KCNG3: variants seen among roughly 807,000 people sequenced by gnomAD.
KCNG3 encodes potassium voltage-gated channel modifier subfamily G member 3.
KCNG3 carries 15 observed loss-of-function variants against 29.0 expected under a neutral mutation model. The observed-to-expected ratio is 0.52, with a 90% CI of 0.35 to 0.80. The LOEUF (loss-of-function observed/expected upper bound fraction) is 0.80. Among genes scored for constraint, KCNG3 ranks in the 30% least tolerant of loss-of-function variants. KCNG3 has a pLI of 0.01. For synonymous variants in KCNG3, 322 were observed against 248.9 expected, an observed-to-expected ratio of 1.29 and a Z score of -2.76; for missense variants, 512 against 605.7, an observed-to-expected ratio of 0.85 and a Z score of 1.62.
At chr2:42,430,545 G>A in the KCNG3 span, among the ~76,000 whole-genome samples, 1 of 151,876 alleles carries the variant, frequency 6.6e-6, no homozygotes, top group South Asian at 2.1e-4. Flanking sequence ...GGCCCGGGAG[G>A]TTTGAGACCA....
chr2:42,447,676 G>C (rs1326623206), intron 1 of KCNG3, among the ~76,000 whole-genome samples: 1 of 151,736 alleles, frequency 6.6e-6, no homozygotes. Context: ...CACCACACTT[G>C]GTTAATTTTT....
the KCNG3 span, chr2:42,413,559 C>T: frequency 6.6e-6 from 1 of 152,100 alleles, no homozygotes; most frequent in Non-Finnish European, 1.5e-5. Flanking sequence ...ATATCACTTA[C>T]ATTTTAAACC....
chr2:42,432,238 T>TCAA, the KCNG3 span, among the ~76,000 whole-genome samples: 4 of 152,152 alleles, frequency 2.6e-5, no homozygotes, highest in Non-Finnish European at 4.4e-5. Context: ...GGATTAAAAT[T>TCAA]CAACAACAAC....
chr2:42,400,416 T>C, the KCNG3 span, among the ~76,000 whole-genome samples: 29 of 152,260 alleles, frequency 1.9e-4, no homozygotes, highest in East Asian at 5.2e-3. Flanking sequence ...GACTTTTCTA[T>C]CCCATTTGCC....
the KCNG3 span, among the ~76,000 whole-genome samples, chr2:42,396,073 T>C: frequency 2.0e-5 from 3 of 152,236 alleles, no homozygotes; most frequent in Admixed American, 1.3e-4. Flanking sequence ...AACCATCTTA[T>C]ACAAAGCCTA....
At chr2:42,484,184 G>A (rs567910248) in intron 1 of KCNG3, among the ~76,000 whole-genome samples, 2 of 152,264 alleles carry the variant, frequency 1.3e-5, no homozygotes, top group South Asian at 2.1e-4. Flanking sequence ...AAATCTGACC[G>A]GGTGCTGTGG....
At chr2:42,431,228 G>A in the KCNG3 span, among the ~76,000 whole-genome samples, 1 of 152,064 alleles carries the variant, frequency 6.6e-6, no homozygotes, top group African/African-American at 2.4e-5. Context: ...TGGGGATCCT[G>A]CTATTCCTAA....
intron 1 of KCNG3, among the ~76,000 whole-genome samples, chr2:42,489,250 C>T (rs557361686): frequency 1.3e-5 from 2 of 152,088 alleles, no homozygotes; most frequent in South Asian, 2.1e-4. Flanking sequence ...ATTCACTGGG[C>T]GTGGTAGCTC....
chr2:42,470,673 GA>G (rs1242090524), intron 1 of KCNG3, among the ~76,000 whole-genome samples: 1 of 152,058 alleles, frequency 6.6e-6, no homozygotes, highest in Non-Finnish European at 1.5e-5. Context: ...CCAGGAGTTT[GA>G]AACTGGCCTG....
chr2:42,470,063 C>A, intron 1 of KCNG3: 1 of 504,926 alleles, frequency 2.0e-6, no homozygotes. Flanking sequence ...TCCTGATCTC[C>A]CTGAAGATCT....
chr2:42,411,596 C>T, the KCNG3 span, among the ~76,000 whole-genome samples: 6 of 152,150 alleles, frequency 3.9e-5, no homozygotes, highest in Non-Finnish European at 7.3e-5. Context: ...AATTCTCATG[C>T]CTCAGCCTCC....
intron 1 of KCNG3, among the ~76,000 whole-genome samples, chr2:42,478,293 T>C (rs1025777670): frequency 6.6e-6 from 1 of 152,182 alleles, no homozygotes; most frequent in South Asian, 2.1e-4. Context: ...TGGAGTGCAA[T>C]GGCACCTTCA....
At chr2:42,479,331 A>C (rs1168953818) in intron 1 of KCNG3, among the ~76,000 whole-genome samples, 1 of 152,180 alleles carries the variant, frequency 6.6e-6, no homozygotes. Context: ...GGTGGAGCTC[A>C]AGCATGAATA....
chr2:42,415,259 G>A, the KCNG3 span, among the ~76,000 whole-genome samples: 1 of 152,090 alleles, frequency 6.6e-6, no homozygotes, highest in East Asian at 1.9e-4. Context: ...TTATAGTGAG[G>A]TCTCATATGT....
intron 1 of KCNG3, among the ~76,000 whole-genome samples, chr2:42,461,854 C>G (rs541729709): frequency 6.6e-6 from 1 of 152,246 alleles, no homozygotes; most frequent in African/African-American, 2.4e-5. Flanking sequence ...ACAAGATCAC[C>G]TTACAAAAAG....
intron 1 of KCNG3, among the ~76,000 whole-genome samples, chr2:42,445,941 G>T (rs1672586603): frequency 6.6e-6 from 1 of 151,930 alleles, no homozygotes; most frequent in Non-Finnish European, 1.5e-5. Flanking sequence ...TGGCCAGGCT[G>T]GTCTCGAACT....
At chr2:42,421,035 A>AC in the KCNG3 span, among the ~76,000 whole-genome samples, 3 of 152,370 alleles carry the variant, frequency 2.0e-5, no homozygotes, top group Admixed American at 2.0e-4. Flanking sequence ...AAACGCTACC[A>AC]CACAAAAATG....
At chr2:42,437,882 G>A (rs1237450633), downstream of KCNG3, among the ~76,000 whole-genome samples, 1 of 144,400 alleles carries the variant, frequency 6.9e-6, no homozygotes, top group African/African-American at 2.6e-5. Flanking sequence ...AGATTGTAGT[G>A]AGCTGAGATT....
chr2:42,468,887 G>C lies in KCNG3; in HGVS notation c.665+23950C>G, dbSNP rs942856052. 1.3e-5 allele frequency among the ~76,000 whole-genome samples: 2 copies of C among 148,592 alleles called. 1 individual carries two copies. The highest frequency in any genetic ancestry group is 4.2e-4 in the South Asian group (2 of 4,716). ...GAGAATTGCTTGAACCTGGGAGGCG[G>C]AGGTTTCAGTGAGTCGAGATCATGC... On this transcript the variant is annotated intron_variant, in intron 1 of 1. Transcript: ENST00000306078.
Sources: allele counts gnomAD v4.1 joint callset (sites outside exome capture counted in the v4.1 genomes callset), GRCh38; gene constraint gnomAD v4.1.1; transcripts MANE v1.5; gene names NCBI Gene and HGNC (gene_info 2026-07-23, HGNC 2026-07-21).